The following VPS41 variants were observed in gnomAD, a reference collection of about 807,000 sequenced individuals.
The protein encoded by VPS41 is VPS41 subunit of HOPS complex.
VPS41 carries 85 observed loss-of-function variants against 130.9 expected under a neutral mutation model. The ratio of observed to expected loss-of-function variants is 0.65; its 90% CI spans 0.55 to 0.78. VPS41 has a LOEUF of 0.78. Among genes scored for constraint, VPS41 ranks in the 30% least tolerant of loss-of-function variants. The probability of loss-of-function intolerance (pLI) is 0.00; values close to 1 mark genes in which losing one functional copy is unlikely to be tolerated. For missense variants in VPS41, 874 were observed against 1,018.7 expected (o/e 0.86, Z 1.93); for synonymous variants, 335 against 332.9 (o/e 1.01, Z -0.07).
At chr7:38,770,785 G>C (rs1784139036) in intron 14 of VPS41, among the ~76,000 whole-genome samples, 1 of 152,130 alleles carries the variant, frequency 6.6e-6, no homozygotes, top group African/African-American at 2.4e-5. Context: ...AAATGTATTT[G>C]ATGCTCTAGA....
At chr7:38,906,963 AAC>A (rs1309105442) in intron 1 of VPS41, among the ~76,000 whole-genome samples, 2 of 152,164 alleles carry the variant, frequency 1.3e-5, no homozygotes, top group African/African-American at 4.8e-5. Context: ...TCAATCATTT[AAC>A]ACAAATTTAT....
chr7:38,812,193 G>T (rs1339874116), intron 7 of VPS41, among the ~76,000 whole-genome samples: 1 of 152,026 alleles, frequency 6.6e-6, no homozygotes, highest in Non-Finnish European at 1.5e-5. Flanking sequence ...AAGGGGTACT[G>T]GCATAAAGAT....
chr7:38,789,301 A>AG (rs907939900), intron 10 of VPS41, among the ~76,000 whole-genome samples: 3 of 152,182 alleles, frequency 2.0e-5, no homozygotes, highest in African/African-American at 7.2e-5. Flanking sequence ...GACAAGTGCT[A>AG]GAAAGGGGAG....
chr7:38,902,061 T>G (rs1364969066), intron 1 of VPS41, among the ~76,000 whole-genome samples: 1 of 152,172 alleles, frequency 6.6e-6, no homozygotes, highest in African/African-American at 2.4e-5. Flanking sequence ...CATTTTACCT[T>G]TCTTTTGCAA....
At chr7:38,789,936 T>C (rs899073957) in intron 9 of VPS41, 69 bp from the exon 10 acceptor site, 14 of 1,522,000 alleles carry the variant, frequency 9.2e-6, no homozygotes, top group East Asian at 4.5e-5. Context: ...TTATTCAGTA[T>C]ATGGTATCTT....
At chr7:38,890,233 G>A (rs1401172945) in intron 2 of VPS41, among the ~76,000 whole-genome samples, 2 of 152,162 alleles carry the variant, frequency 1.3e-5, no homozygotes, top group Non-Finnish European at 2.9e-5. Flanking sequence ...TGAGTGGTCT[G>A]CCTACAACTA....
intron 14 of VPS41, among the ~76,000 whole-genome samples, chr7:38,767,934 C>T (rs920578114): frequency 6.6e-6 from 1 of 152,080 alleles, no homozygotes; most frequent in Non-Finnish European, 1.5e-5. Flanking sequence ...CAATTCCACA[C>T]TGTTAATGTA....
At chr7:38,884,984 AC>A (rs1428066257) in intron 2 of VPS41, among the ~76,000 whole-genome samples, 2 of 136,726 alleles carry the variant, frequency 1.5e-5, no homozygotes, top group African/African-American at 6.2e-5. Context: ...AGTTCTTTGT[AC>A]TATACTCTAA....
chr7:38,796,778 C>T lies in VPS41; in HGVS notation c.537G>A (p.Trp179Ter). The change falls in exon 8 of 29, where the codon TGG becomes TGA. Residue 179 changes from tryptophan to a stop codon, truncating the protein, a stop_gained. Transcript: ENST00000310301. LOFTEE classifies it high-confidence loss of function. ...EGEGNIRSVK[W>*]RGHLIAWANN... ...TGGCCCAAGCAATCAGATGGCCTCT[C>T]CACTTCACACTCCTTATGTTCCCTT... 1 of 1,613,930 alleles carries T rather than the reference C, an allele frequency of 6.2e-7. No individual in the cohort carries two copies. Among genetic ancestry groups the T allele is most frequent in the Admixed American group, 1.7e-5 (1 of 60,016 alleles).
chr7:38,887,361 T>C (rs188210469), intron 2 of VPS41, among the ~76,000 whole-genome samples: 113 of 152,218 alleles, frequency 7.4e-4, no homozygotes, highest in Non-Finnish European at 1.4e-3. Flanking sequence ...AAAACCACAA[T>C]ATGAGAACTT....
intron 4 of VPS41, among the ~76,000 whole-genome samples, chr7:38,852,360 G>A (rs1005885160): frequency 2.0e-5 from 3 of 152,056 alleles, no homozygotes; most frequent in Non-Finnish European, 2.9e-5. Context: ...CCCCAGCTCC[G>A]GGAGACACTG....
At chr7:38,801,090 C>A (rs552998339) in intron 7 of VPS41, among the ~76,000 whole-genome samples, 1 of 152,294 alleles carries the variant, frequency 6.6e-6, no homozygotes, top group African/African-American at 2.4e-5. Context: ...AGAACTCTGG[C>A]CTCCTTTTGC....
At chr7:38,871,059 T>C (rs867967523) in intron 2 of VPS41, among the ~76,000 whole-genome samples, 12 of 152,062 alleles carry the variant, frequency 7.9e-5, no homozygotes, top group Admixed American at 2.0e-4. Flanking sequence ...TTCATTACAG[T>C]CCCAGAAGGA....
At position 38,774,251 on chromosome 7, in the gene VPS41, G is replaced by C. The variant is rs758233557; in HGVS notation, c.883-7C>G. 3 of 1,556,864 alleles carry C rather than the reference G, an allele frequency of 1.9e-6. No individual in the cohort carries two copies. Among genetic ancestry groups the C allele is most frequent in the Admixed American group, 1.9e-5 (1 of 53,034 alleles). On this transcript the variant is annotated splice_region_variant and splice_polypyrimidine_tract_variant and intron_variant, in intron 11 of 28. Transcript: ENST00000310301. ...TGGCACAGTATTCTCTTTCCTAGTG[G>C]GGGAAAAGAGAGAAACATTAATTTA... is the stretch of plus-strand genomic sequence containing the variant.
intron 14 of VPS41, 125 bp downstream of exon 14, chr7:38,771,073 A>G: frequency 1.4e-6 from 1 of 720,946 alleles, no homozygotes; most frequent in Non-Finnish European, 2.3e-6. Context: ...CTCATAGGTT[A>G]GGGAATTAGT....
chr7:38,889,676 G>C (rs1028983986), intron 2 of VPS41, among the ~76,000 whole-genome samples: 1 of 151,950 alleles, frequency 6.6e-6, no homozygotes, highest in Non-Finnish European at 1.5e-5. Context: ...TTAAAGAGTG[G>C]CTAATAGGAG....
chr7:38,817,596 C>T (rs899493499), intron 7 of VPS41, among the ~76,000 whole-genome samples: 4 of 152,168 alleles, frequency 2.6e-5, no homozygotes, highest in African/African-American at 4.8e-5. Flanking sequence ...CCATCCTGGG[C>T]GACAGAGCAA....
Position 38,886,855 on chromosome 7 carries a change from CA to C in VPS41, c.60+11235del, listed in dbSNP as rs371079153. Among the ~76,000 whole-genome samples the C allele has an allele frequency of 3.9e-5, 6 of 152,326 alleles. No homozygotes were observed. The East Asian group carries it at 9.6e-4, about 24-fold the overall frequency. ...TCAGGCAGCAATATTTGCTGTTCTG[CA>C]GCCTCTGCTGGTGACACCTAGGCAA... On this transcript the variant is annotated intron_variant, in intron 2 of 28. Coordinates refer to ENST00000310301, the MANE Select transcript of VPS41 (RefSeq NM_014396.4).
chr7:38,814,557 G>A (rs1202316780), intron 7 of VPS41, among the ~76,000 whole-genome samples: 1 of 152,146 alleles, frequency 6.6e-6, no homozygotes, highest in Non-Finnish European at 1.5e-5. Context: ...GGCTGAGGGA[G>A]GAGAATGGCG....
Sources: allele counts gnomAD v4.1 joint callset (sites outside exome capture counted in the v4.1 genomes callset), GRCh38; gene constraint gnomAD v4.1.1; transcripts MANE v1.5; gene names NCBI Gene and HGNC (gene_info 2026-07-23, HGNC 2026-07-21).